The following LAMA2 variants were observed in gnomAD, a reference collection of about 807,000 sequenced individuals.
LAMA2 encodes the protein laminin subunit alpha-2.
In LAMA2, 269 loss-of-function variants were observed where a neutral mutation model predicts 364.8. That is an observed-to-expected ratio of 0.74 (90% CI 0.67 to 0.82). LAMA2 has a LOEUF of 0.82. Among genes scored for constraint, LAMA2 ranks in the 40% least tolerant of loss-of-function variants. The pLI is 0.00. For synonymous variants in LAMA2, 1,379 were observed against 1,370.6 expected, an observed-to-expected ratio of 1.01 and a Z score of -0.14; for missense variants, 3,807 against 3,873.2, an observed-to-expected ratio of 0.98 and a Z score of 0.45.
intron 1 of LAMA2, among the ~76,000 whole-genome samples, chr6:128,897,148 G>A (rs575629507): frequency 5.3e-5 from 8 of 152,326 alleles, no homozygotes; most frequent in Non-Finnish European, 7.4e-5. Context: ...CCATGGCAGC[G>A]TGTGACCTCA....
chr6:128,981,111 T>C (rs928671356), intron 1 of LAMA2, among the ~76,000 whole-genome samples: 4 of 152,138 alleles, frequency 2.6e-5, no homozygotes, highest in Admixed American at 2.6e-4. Flanking sequence ...ATTCTTTCTG[T>C]TCCTCACAGT....
intron 4 of LAMA2, among the ~76,000 whole-genome samples, chr6:129,108,292 G>A (rs933072990): frequency 5.9e-5 from 9 of 151,580 alleles, no homozygotes; most frequent in Admixed American, 1.3e-4. Flanking sequence ...TTTGTTTCTG[G>A]AATTTAATGT....
intron 12 of LAMA2, among the ~76,000 whole-genome samples, chr6:129,193,852 CAT>C (rs1781681953): frequency 6.6e-6 from 1 of 152,116 alleles, no homozygotes; most frequent in African/African-American, 2.4e-5. Context: ...CTTAGTATCT[CAT>C]ATGCTACTCA....
chr6:129,392,608 A>G lies in LAMA2; in HGVS notation c.5235-437A>G, dbSNP rs115529809. On this transcript the variant is annotated intron_variant, in intron 36 of 64. Coordinates refer to ENST00000421865, the MANE Select transcript of LAMA2 (RefSeq NM_000426.4). ...ACATAGATTAAAATTATGCTAGTCTACTAGCATGACAATGACCTAGAATTC... is the reference window on the plus strand; with the variant it reads ...ACATAGATTAAAATTATGCTAGTCTGCTAGCATGACAATGACCTAGAATTC... Among the ~76,000 whole-genome samples, 427 of 152,352 alleles carry G rather than the reference A, an allele frequency of 2.8e-3. 3 individuals are homozygous for G. Among genetic ancestry groups the G allele is most frequent in the African/African-American group, 0.01 (418 of 41,582 alleles).
intron 42 of LAMA2, among the ~76,000 whole-genome samples, chr6:129,439,414 G>A (rs1432906522): frequency 2.6e-5 from 4 of 151,914 alleles, no homozygotes; most frequent in African/African-American, 9.7e-5. Flanking sequence ...GTGTATTAGT[G>A]AAATAGAATA....
intron 33 of LAMA2, among the ~76,000 whole-genome samples, chr6:129,369,037 T>C (rs1777929127): frequency 6.6e-6 from 1 of 152,190 alleles, no homozygotes; most frequent in African/African-American, 2.4e-5. Context: ...GAGGCTGTGC[T>C]AGATAACTTA....
At chr6:129,290,956 T>A (rs1789654049) in intron 19 of LAMA2, among the ~76,000 whole-genome samples, 1 of 152,216 alleles carries the variant, frequency 6.6e-6, no homozygotes, top group South Asian at 2.1e-4. Context: ...TCTTTTAAAC[T>A]TCTGAATCTT....
intron 11 of LAMA2, among the ~76,000 whole-genome samples, chr6:129,190,731 C>G (rs1479261027): frequency 6.6e-6 from 1 of 152,144 alleles, no homozygotes; most frequent in Non-Finnish European, 1.5e-5. Flanking sequence ...TCTGTATCAT[C>G]TGTATACATA....
At chr6:129,190,762 C>T (rs1387744910) in intron 11 of LAMA2, among the ~76,000 whole-genome samples, 1 of 152,188 alleles carries the variant, frequency 6.6e-6, no homozygotes, top group Non-Finnish European at 1.5e-5. Context: ...TCCACCAACG[C>T]TTTAGTTACT....
At chr6:129,360,653 T>C (rs748257973) in intron 32 of LAMA2, among the ~76,000 whole-genome samples, 2 of 152,202 alleles carry the variant, frequency 1.3e-5, no homozygotes, top group Non-Finnish European at 2.9e-5. Context: ...CCATAAGACA[T>C]GGGATAATAA....
chr6:129,031,819 C>CTTTTA (rs1285435133), intron 1 of LAMA2, among the ~76,000 whole-genome samples: 1 of 151,660 alleles, frequency 6.6e-6, no homozygotes, highest in Non-Finnish European at 1.5e-5. Context: ...ATATGAATTT[C>CTTTTA]TTTTCTTTTC....
At chr6:129,457,505 C>G (rs960882931) in intron 48 of LAMA2, among the ~76,000 whole-genome samples, 10 of 151,994 alleles carry the variant, frequency 6.6e-5, no homozygotes, top group African/African-American at 2.4e-4. Flanking sequence ...AGTCACTTAA[C>G]CCCTTGGGCT....
chr6:129,393,347 C>A, intron 37 of LAMA2, 92 bp downstream of exon 37: 1 of 956,514 alleles, frequency 1.0e-6, no homozygotes, highest in Non-Finnish European at 1.7e-6. Flanking sequence ...AGTTGATGCA[C>A]ATTTACAAAA....
At position 129,451,818 on chromosome 6, in the gene LAMA2, G is replaced by A. The variant is rs746232565; in HGVS notation, c.6430-1170G>A. On this transcript the variant is annotated intron_variant, in intron 45 of 64. Coordinates refer to ENST00000421865, the MANE Select transcript of LAMA2 (RefSeq NM_000426.4). ...CTGCCCATACTCAAACACAAATGAG[G>A]CTCTTGGAGACACCTCCTGGTGTCA... Among the ~76,000 whole-genome samples, 46 of 152,122 alleles carry A rather than the reference G, an allele frequency of 3.0e-4. 1 individual carries two copies. Among genetic ancestry groups the A allele is most frequent in the Non-Finnish European group, 5.4e-4 (37 of 68,024 alleles).
intron 8 of LAMA2, among the ~76,000 whole-genome samples, chr6:129,160,254 T>C (rs1583160361): frequency 6.6e-6 from 1 of 151,800 alleles, no homozygotes; most frequent in Non-Finnish European, 1.5e-5. Context: ...GTATTGGCTA[T>C]TTTTTATTAG....
chr6:129,323,707 G>A (rs1462781333), intron 28 of LAMA2, among the ~76,000 whole-genome samples: 2 of 152,148 alleles, frequency 1.3e-5, no homozygotes, highest in African/African-American at 2.4e-5. Context: ...AAGGTTATAT[G>A]CAGGTACCAT....
chr6:129,175,919 A>C (rs1780558820), intron 9 of LAMA2, among the ~76,000 whole-genome samples: 1 of 152,100 alleles, frequency 6.6e-6, no homozygotes, highest in Non-Finnish European at 1.5e-5. Flanking sequence ...ACCCTTGATT[A>C]GCTTTGTTTA....
chr6:129,483,385 GAACA>G (rs1784446818), intron 55 of LAMA2, among the ~76,000 whole-genome samples: 1 of 151,722 alleles, frequency 6.6e-6, no homozygotes, highest in South Asian at 2.1e-4. Context: ...ACAAGAATAA[GAACA>G]AATATATAAT....
intron 1 of LAMA2, among the ~76,000 whole-genome samples, chr6:129,015,517 A>G (rs1470023957): frequency 6.6e-6 from 1 of 152,098 alleles, no homozygotes; most frequent in Non-Finnish European, 1.5e-5. Flanking sequence ...AGTATATAAT[A>G]TGAAATATAC....
Sources: allele counts gnomAD v4.1 joint callset (sites outside exome capture counted in the v4.1 genomes callset), GRCh38; gene constraint gnomAD v4.1.1; transcripts MANE v1.5; gene names NCBI Gene and HGNC (gene_info 2026-07-23, HGNC 2026-07-21).